MCF2L2: variants seen among roughly 807,000 people sequenced by gnomAD.
MCF2L2 encodes probable guanine nucleotide exchange factor MCF2L2.
MCF2L2 carries 102 observed loss-of-function variants against 150.2 expected under a neutral mutation model. That is an observed-to-expected ratio of 0.68 (90% CI 0.58 to 0.80). The LOEUF is 0.80. MCF2L2 is among the 30% of genes least tolerant of loss of function. The probability of loss-of-function intolerance (pLI) is 0.00; values close to 1 mark genes in which losing one functional copy is unlikely to be tolerated. For missense variants in MCF2L2, 1,256 were observed against 1,372.8 expected, an observed-to-expected ratio of 0.91 and a Z score of 1.34; for synonymous variants, 465 against 491.3, an observed-to-expected ratio of 0.95 and a Z score of 0.71.
At chr3:183,375,400 T>C (rs1236782058) in intron 3 of MCF2L2, 1 of 152,256 alleles carries the variant, frequency 6.6e-6, no homozygotes, top group African/African-American at 2.4e-5. Context: ...ACCCCCTTTT[T>C]TCCTGAAGTT....
intron 21 of MCF2L2, among the ~76,000 whole-genome samples, chr3:183,216,491 T>C (rs1250713167): frequency 5.0e-5 from 7 of 139,288 alleles, no homozygotes; most frequent in Admixed American, 2.2e-4. Context: ...TATGTTTATA[T>C]ATTAATTATA....
At chr3:183,382,651 CCTTGAATGCAAGGAATACAA>C (rs1713602734) in intron 2 of MCF2L2, among the ~76,000 whole-genome samples, 1 of 152,132 alleles carries the variant, frequency 6.6e-6, no homozygotes, top group South Asian at 2.1e-4. Flanking sequence ...CCAGTGCATT[CCTTGAATGCAAGGAATACAA>C]ACAACCCCAA....
intron 1 of MCF2L2, among the ~76,000 whole-genome samples, chr3:183,407,084 T>C (rs1300654025): frequency 6.6e-6 from 1 of 152,232 alleles, no homozygotes; most frequent in African/African-American, 2.4e-5. Flanking sequence ...AGATGTCTAA[T>C]TGTTCCAGCA....
intron 14 of MCF2L2, among the ~76,000 whole-genome samples, chr3:183,279,623 T>C (rs1577018496): frequency 3.3e-5 from 5 of 152,202 alleles, no homozygotes; most frequent in South Asian, 2.1e-4. Context: ...GCCTGCCCTA[T>C]TGGGAGGCCA....
chr3:183,299,895 A>T, intron 11 of MCF2L2, 110 bp downstream of exon 11: 3 of 1,184,230 alleles, frequency 2.5e-6, no homozygotes, highest in Non-Finnish European at 3.6e-6. Flanking sequence ...CTTTTCACAT[A>T]AAGCACTCAA....
intron 15 of MCF2L2, among the ~76,000 whole-genome samples, chr3:183,273,832 A>G (rs969937149): frequency 6.6e-6 from 1 of 152,212 alleles, no homozygotes; most frequent in African/African-American, 2.4e-5. Context: ...AATAGGCTCT[A>G]CCATATATCT....
intron 15 of MCF2L2, among the ~76,000 whole-genome samples, chr3:183,265,017 T>C (rs1325916627): frequency 6.6e-6 from 1 of 152,238 alleles, no homozygotes; most frequent in Non-Finnish European, 1.5e-5. Flanking sequence ...AGGTTGTATC[T>C]GAGATATCTG....
At chr3:183,311,822 C>A (rs1560016024) in intron 7 of MCF2L2, 50 bp from the exon 8 acceptor site, 2 of 1,563,924 alleles carry the variant, frequency 1.3e-6, no homozygotes, top group Non-Finnish European at 1.7e-6. Flanking sequence ...AAAACAAATT[C>A]TTGGTAGAAT....
chr3:183,368,106 G>A (rs1712648264), intron 3 of MCF2L2, among the ~76,000 whole-genome samples: 1 of 152,130 alleles, frequency 6.6e-6, no homozygotes, highest in Admixed American at 6.5e-5. Context: ...AATGAGCTTG[G>A]ACTAGACCAG....
chr3:183,386,982 A>G (rs1024980048), intron 2 of MCF2L2, among the ~76,000 whole-genome samples: 2 of 152,132 alleles, frequency 1.3e-5, no homozygotes, highest in Non-Finnish European at 2.9e-5. Context: ...TGGGCCAGAC[A>G]CTCTGGCTCA....
chr3:183,428,355 T>C lies in MCF2L2; in HGVS notation c.-378A>G. 1 of 248,236 alleles carries C rather than the reference T, an allele frequency of 4.0e-6. No individual in the cohort carries two copies. The highest frequency in any genetic ancestry group is 7.7e-6 in the Non-Finnish European group (1 of 129,386). The allele number at this position is 248,236 out of a possible 1,614,324, so 15.4% of individuals were successfully genotyped here. The stretch of plus-strand genomic sequence containing the variant: ...GGTTTCCGGCGCCGCCTCCAGGGAC[T>C]GTAGAGTGAGGGATGCTCCGCCAGG... On this transcript the variant is annotated 5_prime_UTR_variant, in exon 1 of 30. Coordinates refer to ENST00000328913, the MANE Select transcript of MCF2L2 (RefSeq NM_015078.4). This position sits in a 1 kb window ranked among gnomAD's most constrained non-coding sequence, Gnocchi z 5.1.
chr3:183,385,451 G>A (rs1353654541), intron 2 of MCF2L2, among the ~76,000 whole-genome samples: 2 of 152,260 alleles, frequency 1.3e-5, no homozygotes, highest in East Asian at 3.9e-4. Flanking sequence ...CCAAACCTGG[G>A]CTTCATTGGT....
chr3:183,229,013 C>T (rs1026286365), intron 17 of MCF2L2, among the ~76,000 whole-genome samples: 6 of 152,102 alleles, frequency 3.9e-5, no homozygotes, highest in African/African-American at 7.2e-5. Flanking sequence ...GTCTGACCAA[C>T]GGACGAGGAA....
intron 3 of MCF2L2, among the ~76,000 whole-genome samples, chr3:183,359,570 G>A (rs2108563274): frequency 6.6e-6 from 1 of 152,288 alleles, no homozygotes; most frequent in East Asian, 1.9e-4. Context: ...TAATGTTTAT[G>A]TCATGTATTT....
chr3:183,419,413 C>T (rs961283218), intron 1 of MCF2L2, among the ~76,000 whole-genome samples: 1 of 152,230 alleles, frequency 6.6e-6, no homozygotes, highest in African/African-American at 2.4e-5. Flanking sequence ...TTGCAGCCAG[C>T]TTGAATTCCT....
chr3:183,342,620 ATGTGTGTGTGTGTGTGTGTGTGTGTGTG>A (rs57683720), intron 3 of MCF2L2, among the ~76,000 whole-genome samples: 1 of 142,866 alleles, frequency 7.0e-6, no homozygotes, highest in Non-Finnish European at 1.5e-5. Flanking sequence ...TGAAGATTAA[ATGTGTGTGTGTGTGTGTGTGTGTGTGTG>A]TGTGTGTGTG....
chr3:183,276,014 A>AAAAGATAAACTG (rs1553892905), intron 15 of MCF2L2, among the ~76,000 whole-genome samples: 2 of 152,244 alleles, frequency 1.3e-5, no homozygotes, highest in Non-Finnish European at 2.9e-5. Flanking sequence ...TAAAAGTCTC[A>AAAAGATAAACTG]AAAGATAAAC....
At chr3:183,253,207 G>A (rs1191958911) in intron 15 of MCF2L2, 1 of 150,504 alleles carries the variant, frequency 6.6e-6, no homozygotes, top group Non-Finnish European at 1.5e-5. Context: ...CGGGGCGCGC[G>A]GCTGGGAGCC....
chr3:183,397,592 A>G (rs1714534165), intron 1 of MCF2L2, among the ~76,000 whole-genome samples: 1 of 152,266 alleles, frequency 6.6e-6, no homozygotes. Context: ...AAATTAAAAC[A>G]AAATGAGATC....
Sources: allele counts gnomAD v4.1 joint callset (sites outside exome capture counted in the v4.1 genomes callset), GRCh38; gene constraint gnomAD v4.1.1; non-coding constraint Gnocchi (gnomAD v3.1); transcripts MANE v1.5; gene names NCBI Gene and HGNC (gene_info 2026-07-23, HGNC 2026-07-21).